MOB3B: variants seen among roughly 807,000 people sequenced by gnomAD.
The protein encoded by MOB3B is MOB kinase activator-like 2B.
In MOB3B, 7 loss-of-function variants were observed where a neutral mutation model predicts 18.7. That is an observed-to-expected ratio of 0.37 (90% CI 0.21 to 0.70). The LOEUF (loss-of-function observed/expected upper bound fraction) is 0.70, where lower values mean the gene tolerates loss of function less well. MOB3B is among the 30% of genes least tolerant of loss of function. The pLI is 0.52. For synonymous variants in MOB3B, 111 were observed against 99.9 expected (o/e 1.11, Z -0.66); for missense variants, 253 against 281.3 (o/e 0.90, Z 0.72).
intron 1 of MOB3B, among the ~76,000 whole-genome samples, chr9:27,471,818 C>G (rs997132093): frequency 6.6e-6 from 1 of 152,166 alleles, no homozygotes; most frequent in Non-Finnish European, 1.5e-5. Context: ...AAAAGCAGAT[C>G]CCACAGGCTG....
intron 3 of MOB3B, among the ~76,000 whole-genome samples, chr9:27,344,294 C>T (rs1048104020): frequency 6.6e-6 from 1 of 152,170 alleles, no homozygotes; most frequent in African/African-American, 2.4e-5. Flanking sequence ...TGTAATGTGT[C>T]TCCAAGAAAA....
chr9:27,471,056 T>A (rs1346119143), intron 1 of MOB3B, among the ~76,000 whole-genome samples: 1 of 152,160 alleles, frequency 6.6e-6, no homozygotes, highest in Non-Finnish European at 1.5e-5. Context: ...CTGGGTTTCC[T>A]GGGGACACTC....
At position 27,516,883 on chromosome 9, in the gene MOB3B, G is replaced by C. The variant is rs998307844; in HGVS notation, c.-199+12672C>G. 2.0e-5 allele frequency among the ~76,000 whole-genome samples: 3 copies of C among 152,220 alleles called. No individual in the cohort carries two copies. In the East Asian group the frequency reaches 5.8e-4, roughly 29 times the overall value. On this transcript the variant is annotated intron_variant, in intron 1 of 3. Transcript: ENST00000262244. ...TCTAGGCCCATATATCCAACTGCTG[G>C]ATAGACATCTCCACTTAGCTATCTC...
At chr9:27,446,305 C>T (rs1822692339) in intron 2 of MOB3B, among the ~76,000 whole-genome samples, 1 of 152,032 alleles carries the variant, frequency 6.6e-6, no homozygotes, top group Non-Finnish European at 1.5e-5. Context: ...AGTAGTTCAC[C>T]ACGTGTCTAC....
chr9:27,509,265 T>A (rs1399890272), intron 1 of MOB3B, among the ~76,000 whole-genome samples: 1 of 151,876 alleles, frequency 6.6e-6, no homozygotes, highest in African/African-American at 2.4e-5. Context: ...AACACATATT[T>A]GCTATAGGAA....
chr9:27,471,973 T>C (rs1819479220), intron 1 of MOB3B, among the ~76,000 whole-genome samples: 1 of 152,210 alleles, frequency 6.6e-6, no homozygotes, highest in Non-Finnish European at 1.5e-5. Context: ...CCAAGGGTGC[T>C]TTTTAAATAC....
rs1027202710 is a variant in MOB3B at position 27,422,079 on chromosome 9, TG to T, written c.418+33053del. Among the ~76,000 whole-genome samples, 4 of 152,342 alleles carry T rather than the reference TG, an allele frequency of 2.6e-5. No homozygotes were observed. In the Middle Eastern group the frequency reaches 0.01, roughly 389 times the overall value. On this transcript the variant is annotated intron_variant, in intron 2 of 3. Coordinates refer to ENST00000262244, the MANE Select transcript of MOB3B (RefSeq NM_024761.5). The stretch of plus-strand genomic sequence containing the variant: ...CAGTAGGGGCTCCATTAATATTTGC[TG>T]AGTGAATGAATGAATAAATACATGA...
chr9:27,410,101 A>G (rs1189603704), intron 2 of MOB3B, among the ~76,000 whole-genome samples: 1 of 152,236 alleles, frequency 6.6e-6, no homozygotes, highest in Admixed American at 6.5e-5. Context: ...TATTTATTTT[A>G]CAACTAAAGA....
chr9:27,383,615 G>C (rs903974141), intron 2 of MOB3B, among the ~76,000 whole-genome samples: 1 of 152,212 alleles, frequency 6.6e-6, no homozygotes, highest in Non-Finnish European at 1.5e-5. Context: ...TATGGGTGTA[G>C]AGGGATAACT....
intron 2 of MOB3B, among the ~76,000 whole-genome samples, chr9:27,364,819 T>TG (rs1257395257): frequency 1.3e-5 from 2 of 152,236 alleles, no homozygotes; most frequent in African/African-American, 4.8e-5. Flanking sequence ...AAATGGTCTT[T>TG]GTGACAAACT....
At chr9:27,480,211 G>T (rs74888576) in intron 1 of MOB3B, among the ~76,000 whole-genome samples, 3,544 of 151,852 alleles carry the variant, frequency 0.023, 130 homozygotes, top group African/African-American at 0.076. Flanking sequence ...GGAGTGTGGC[G>T]CAATCTCGGC....
At chr9:27,376,393 A>G (rs1469955497) in intron 2 of MOB3B, among the ~76,000 whole-genome samples, 1 of 152,230 alleles carries the variant, frequency 6.6e-6, no homozygotes, top group African/African-American at 2.4e-5. Flanking sequence ...AAAATATTGA[A>G]ATGAAATGAA....
chr9:27,522,536 G>C (rs1403623297), intron 1 of MOB3B, among the ~76,000 whole-genome samples: 1 of 151,278 alleles, frequency 6.6e-6, no homozygotes, highest in Admixed American at 6.6e-5. Flanking sequence ...CTATCCAAGT[G>C]ACCAAATATA....
At chr9:27,451,531 G>A (rs1453456908) in intron 2 of MOB3B, among the ~76,000 whole-genome samples, 1 of 152,154 alleles carries the variant, frequency 6.6e-6, no homozygotes, top group Non-Finnish European at 1.5e-5. Context: ...TGTTTCAATG[G>A]TAGAGATCAA....
chr9:27,452,739 T>C (rs551479519), intron 2 of MOB3B, among the ~76,000 whole-genome samples: 45 of 152,238 alleles, frequency 3.0e-4, no homozygotes, highest in Non-Finnish European at 5.1e-4. Flanking sequence ...CTGGAGAACA[T>C]AGGTTAAGTG....
chr9:27,370,044 GTGGTTCTCCATA>G (rs1481566977), intron 2 of MOB3B, among the ~76,000 whole-genome samples: 1 of 151,582 alleles, frequency 6.6e-6, no homozygotes, highest in Non-Finnish European at 1.5e-5. Flanking sequence ...GCAGAACACG[GTGGTTCTCCATA>G]TGTAATTATT....
At chr9:27,522,322 A>T (rs796669926) in intron 1 of MOB3B, among the ~76,000 whole-genome samples, 1 of 149,504 alleles carries the variant, frequency 6.7e-6, no homozygotes, top group Non-Finnish European at 1.5e-5. Flanking sequence ...AACTTAAAAA[A>T]TCCAGGTAAA....
chr9:27,449,984 TA>T (rs35983173), intron 2 of MOB3B, among the ~76,000 whole-genome samples: 17,159 of 115,662 alleles, frequency 0.15, 940 homozygotes, highest in African/African-American at 0.19. Context: ...TCTCAAAAAT[TA>T]AAAAAAAAAA....
At chr9:27,513,910 TG>T (rs1820185488) in intron 1 of MOB3B, among the ~76,000 whole-genome samples, 1 of 322 alleles carries the variant, frequency 3.1e-3, no homozygotes. Flanking sequence ...GATGGATGGA[TG>T]GATGGATGGA....
Sources: gnomAD v4.1 joint callset for allele counts (sites outside exome capture counted in the v4.1 genomes callset) on GRCh38, gnomAD v4.1.1 for gene constraint, MANE v1.5 for transcripts, NCBI Gene and HGNC (gene_info 2026-07-23, HGNC 2026-07-21) for gene names.